TRAK1: variants seen among roughly 807,000 people sequenced by gnomAD.
TRAK1 encodes trafficking kinesin protein 1.
In TRAK1, 33 loss-of-function variants were observed where a neutral mutation model predicts 92.1. The observed-to-expected ratio is 0.36, with a 90% CI of 0.27 to 0.48. TRAK1 has a LOEUF of 0.48. Ranked by LOEUF, TRAK1 falls within the 20% of genes least tolerant of loss-of-function variation. The pLI is 0.99. For missense variants in TRAK1, 1,123 were observed against 1,257.9 expected (o/e 0.89, Z 1.62); for synonymous variants, 521 against 517.3 (o/e 1.01, Z -0.10).
At position 42,149,277 on chromosome 3, in the gene TRAK1, C is replaced by CA. The variant is rs1015177394; in HGVS notation, c.286+23664dup. The CA allele has an allele frequency of 5.7e-5, 78 of 1,365,914 alleles. No individual in the cohort carries two copies. In the African/African-American group the frequency reaches 1.0e-3, roughly 18 times the overall value. 84.6% of individuals were successfully genotyped at this position (1,365,914 alleles called of 1,614,324 possible). ...AGTGCTGCTTTATTGGCAGTGCTGC[C>CA]AGGGTCTCCGTTAGCTCTCTGCAAA... is the stretch of plus-strand genomic sequence containing the variant. On this transcript the variant is annotated intron_variant, in intron 2 of 15. Coordinates refer to ENST00000327628, the MANE Select transcript of TRAK1 (RefSeq NM_001042646.3).
intron 3 of TRAK1, among the ~76,000 whole-genome samples, chr3:42,183,568 A>AAAAAAAAAAAAAAAAAAG (rs1553751625): frequency 6.9e-6 from 1 of 145,220 alleles, no homozygotes; most frequent in Non-Finnish European, 1.5e-5. Flanking sequence ...AAAAAAAAAA[A>AAAAAAAAAAAAAAAAAAG]AAAGAAAGAA....
chr3:42,047,362 ATT>A (rs58871625), intron 1 of TRAK1, among the ~76,000 whole-genome samples: 27 of 139,750 alleles, frequency 1.9e-4, no homozygotes, highest in African/African-American at 4.6e-4. Context: ...TGCCCGGGTG[ATT>A]TTTTTTTTTT....
intron 1 of TRAK1, among the ~76,000 whole-genome samples, chr3:42,030,067 C>G (rs752183598): frequency 2.7e-5 from 4 of 147,812 alleles, no homozygotes; most frequent in African/African-American, 5.0e-5. Flanking sequence ...AGGGTGATGC[C>G]GAGATCTCAC....
Position 42,223,370 on chromosome 3 carries a change from G to A in TRAK1, c.2495G>A (p.Ser832Asn). The A allele has an allele frequency of 6.2e-7, 1 of 1,614,242 alleles. No individual in the cohort carries two copies. The highest frequency in any genetic ancestry group is 8.5e-7 in the Non-Finnish European group (1 of 1,180,044). Reference protein sequence around the residue: ...VREKNVRSSESQTDVSVSNLN... With the variant: ...VREKNVRSSENQTDVSVSNLN... ...GAAAAGAACGTCCGCAGCAGCGAGA[G>A]CCAGACCGACGTGTCCGTCTCCAAC... The change falls in exon 16 of 16, where the codon AGC becomes AAC. Residue 832 changes from serine to asparagine, a missense_variant. Around this residue, in one of 3 missense-constraint regions of TRAK1, gnomAD observed 401 missense variants for 438.9 expected, o/e 0.91. Transcript: ENST00000327628. The surrounding 1 kb of genome is among the most constrained non-coding windows in gnomAD (Gnocchi z 6.1).
intron 1 of TRAK1, among the ~76,000 whole-genome samples, chr3:42,069,901 G>C (rs1703844685): frequency 6.6e-6 from 1 of 152,078 alleles, no homozygotes; most frequent in Middle Eastern, 3.4e-3. Context: ...ACCCAGGCTG[G>C]AGTGCAGTGG....
At chr3:42,075,619 A>G (rs966531676) in intron 1 of TRAK1, among the ~76,000 whole-genome samples, 7 of 152,182 alleles carry the variant, frequency 4.6e-5, no homozygotes, top group Non-Finnish European at 1.0e-4. Context: ...AGCAGTGGAT[A>G]AGCATACCGT....
intron 1 of TRAK1, among the ~76,000 whole-genome samples, chr3:42,018,101 AAAAAGACAAAAG>A (rs1277164385): frequency 1.3e-5 from 2 of 150,982 alleles, no homozygotes; most frequent in African/African-American, 2.4e-5. Context: ...AAAAAAAAAA[AAAAAGACAAAAG>A]AAAAATTAGT....
intron 12 of TRAK1, among the ~76,000 whole-genome samples, chr3:42,201,967 A>C (rs1451574463): frequency 6.6e-6 from 1 of 151,604 alleles, no homozygotes; most frequent in African/African-American, 2.4e-5. Flanking sequence ...CCTCTGACTT[A>C]ATAAAATTGA....
intron 13 of TRAK1, among the ~76,000 whole-genome samples, chr3:42,205,092 A>T (rs537637835): frequency 5.3e-5 from 8 of 152,094 alleles, no homozygotes; most frequent in Admixed American, 2.0e-4. Context: ...AAATAGGCTG[A>T]TAGCCATCAG....
chr3:42,222,378 G>A (rs533169443), intron 15 of TRAK1, among the ~76,000 whole-genome samples: 103 of 152,288 alleles, frequency 6.8e-4, no homozygotes, highest in African/African-American at 2.4e-3. Context: ...AGGAGCTCAC[G>A]GCCACAACTG....
intron 1 of TRAK1, among the ~76,000 whole-genome samples, chr3:42,093,630 T>C (rs1705413422): frequency 1.6e-5 from 2 of 124,828 alleles, no homozygotes; most frequent in South Asian, 5.8e-4. Flanking sequence ...TCCCCTCTCT[T>C]CTCTCTTCTC....
intron 1 of TRAK1, among the ~76,000 whole-genome samples, chr3:42,038,803 G>GTTTTTTTT (rs35147167): frequency 2.1e-5 from 2 of 96,762 alleles, no homozygotes. Flanking sequence ...AAAAAAAAAA[G>GTTTTTTTT]TTTTTTTTTT....
chr3:42,137,261 A>T (rs894069237), intron 2 of TRAK1, among the ~76,000 whole-genome samples: 1 of 152,218 alleles, frequency 6.6e-6, no homozygotes, highest in African/African-American at 2.4e-5. Context: ...AATCCAGGCT[A>T]TTTCTGTTTC....
At chr3:42,023,283 T>C (rs1701792299) in intron 1 of TRAK1, among the ~76,000 whole-genome samples, 1 of 152,162 alleles carries the variant, frequency 6.6e-6, no homozygotes, top group Non-Finnish European at 1.5e-5. Flanking sequence ...CATGGCAGAT[T>C]GATCATCACA....
intron 13 of TRAK1, chr3:42,203,399 G>T (rs1707922644): frequency 7.1e-6 from 7 of 985,398 alleles, no homozygotes; most frequent in Middle Eastern, 5.2e-4. Context: ...CCCTTTTTCA[G>T]GGTCAGTTCA....
chr3:42,079,256 A>G (rs1309662907), intron 1 of TRAK1, among the ~76,000 whole-genome samples: 1 of 152,174 alleles, frequency 6.6e-6, no homozygotes, highest in Non-Finnish European at 1.5e-5. Context: ...CTTTTGCCAT[A>G]CTTGGACCTG....
chr3:42,169,424 T>G (rs958889838), intron 2 of TRAK1, among the ~76,000 whole-genome samples: 1 of 152,140 alleles, frequency 6.6e-6, no homozygotes, highest in African/African-American at 2.4e-5. Context: ...ATGTTTATGT[T>G]TGTGTGTGCA....
At chr3:42,194,060 G>A (rs1321369564) in intron 9 of TRAK1, among the ~76,000 whole-genome samples, 162 bp downstream of exon 9, 1 of 152,172 alleles carries the variant, frequency 6.6e-6, no homozygotes, top group East Asian at 1.9e-4. Flanking sequence ...CCTTGGTTCT[G>A]TGCCCACTGA....
intron 14 of TRAK1, chr3:42,217,196 A>G (rs1425889622): frequency 1.0e-6 from 1 of 975,368 alleles, no homozygotes; most frequent in African/African-American, 1.8e-5. Context: ...GGAGCCTCTG[A>G]TGATCCCAGT....
Sources: allele counts gnomAD v4.1 joint callset (sites outside exome capture counted in the v4.1 genomes callset), GRCh38; gene constraint gnomAD v4.1.1; regional missense constraint gnomAD v4.1.1; non-coding constraint Gnocchi (gnomAD v3.1); transcripts MANE v1.5; gene names NCBI Gene and HGNC (gene_info 2026-07-23, HGNC 2026-07-21).